Variants in KIF26B observed in about 807,000 individuals in gnomAD.
KIF26B encodes the protein kinesin-like protein KIF26B.
A neutral mutation model predicts 151.2 loss-of-function variants in KIF26B; 63 were observed. That is an observed-to-expected ratio of 0.42 (90% CI 0.34 to 0.51). The LOEUF (loss-of-function observed/expected upper bound fraction) is 0.51, where lower values mean the gene tolerates loss of function less well. Ranked by LOEUF, KIF26B falls within the 20% of genes least tolerant of loss-of-function variation. KIF26B has a pLI of 0.07. For synonymous variants in KIF26B, 1,357 were observed against 1,262.1 expected (o/e 1.08, Z -1.59); for missense variants, 2,813 against 2,913.6 (o/e 0.97, Z 0.79).
intron 2 of KIF26B, among the ~76,000 whole-genome samples, chr1:245,220,287 G>A (rs1200072701): frequency 1.3e-5 from 2 of 152,178 alleles, no homozygotes; most frequent in African/African-American, 2.4e-5. Context: ...GAAGCCTTCC[G>A]TGGATGTTCC....
At chr1:245,550,444 C>T (rs896585906) in intron 5 of KIF26B, among the ~76,000 whole-genome samples, 2 of 152,348 alleles carry the variant, frequency 1.3e-5, no homozygotes, top group African/African-American at 2.4e-5. Context: ...GCTCCCAGGC[C>T]GACCCTGGCT....
intron 9 of KIF26B, among the ~76,000 whole-genome samples, chr1:245,614,363 C>T (rs566292607): frequency 2.5e-4 from 38 of 152,270 alleles, no homozygotes; most frequent in African/African-American, 8.9e-4. Flanking sequence ...TAAGTAGAGA[C>T]GGAGTTTCAC....
intron 9 of KIF26B, among the ~76,000 whole-genome samples, chr1:245,634,964 C>A (rs1341624827): frequency 6.6e-6 from 1 of 152,024 alleles, no homozygotes; most frequent in African/African-American, 2.4e-5. Context: ...ACCTCAGCCT[C>A]CCATAATACT....
At chr1:245,332,613 T>A (rs1428129574) in intron 2 of KIF26B, among the ~76,000 whole-genome samples, 1 of 152,172 alleles carries the variant, frequency 6.6e-6, no homozygotes, top group Non-Finnish European at 1.5e-5. Flanking sequence ...CCCCCACTGC[T>A]GACATGTTGT....
intron 5 of KIF26B, among the ~76,000 whole-genome samples, chr1:245,554,847 A>G (rs1053567443): frequency 6.6e-6 from 1 of 152,182 alleles, no homozygotes; most frequent in African/African-American, 2.4e-5. Flanking sequence ...TCACAATGGC[A>G]TATGTAAAAC....
intron 4 of KIF26B, among the ~76,000 whole-genome samples, chr1:245,468,501 C>T (rs1292822876): frequency 6.6e-6 from 1 of 152,204 alleles, no homozygotes; most frequent in East Asian, 1.9e-4. Flanking sequence ...TTTCACTCTT[C>T]CAAGAATGGA....
chr1:245,226,573 C>T (rs188126707), intron 2 of KIF26B, among the ~76,000 whole-genome samples: 1 of 152,186 alleles, frequency 6.6e-6, no homozygotes, highest in Non-Finnish European at 1.5e-5. Context: ...AAGCGATTCT[C>T]CTGCCTCAGC....
intron 5 of KIF26B, among the ~76,000 whole-genome samples, chr1:245,599,732 G>T (rs964416241): frequency 6.6e-6 from 1 of 152,152 alleles, no homozygotes; most frequent in Non-Finnish European, 1.5e-5. Flanking sequence ...CCAAAGTTGC[G>T]ACTTGAATGC....
At chr1:245,330,801 G>C (rs1168610555) in intron 2 of KIF26B, among the ~76,000 whole-genome samples, 1 of 81,212 alleles carries the variant, frequency 1.2e-5, no homozygotes, top group African/African-American at 8.7e-5. Flanking sequence ...GCGGGGTAAT[G>C]GGGGGAGAGT....
At chr1:245,521,687 T>G (rs1051022279) in intron 4 of KIF26B, among the ~76,000 whole-genome samples, 1 of 151,988 alleles carries the variant, frequency 6.6e-6, no homozygotes, top group Non-Finnish European at 1.5e-5. Flanking sequence ...GACCATCCAC[T>G]CATCCGTCTG....
At position 245,602,492 on chromosome 1, in the gene KIF26B, T is replaced by C. The variant is rs1387006709; in HGVS notation, c.1351-85T>C. 8.9e-6 allele frequency: 9 copies of C among 1,007,730 alleles called. No individual in the cohort carries two copies. The highest frequency in any genetic ancestry group is 1.1e-5 in the Non-Finnish European group (7 of 659,112). 62.4% of individuals were successfully genotyped at this position (1,007,730 alleles called of 1,614,324 possible). On this transcript the variant is annotated intron_variant, in intron 5 of 14. Coordinates refer to ENST00000407071, the MANE Select transcript of KIF26B (RefSeq NM_018012.4). The surrounding 1 kb of genome is among the most constrained non-coding windows in gnomAD (Gnocchi z 4.5). ...AGAAAGTTCAGTGCTGCCATGTGCATGTATATCGCAGAGTATACAAGGGTG... is the reference window on the plus strand; with the variant it reads ...AGAAAGTTCAGTGCTGCCATGTGCACGTATATCGCAGAGTATACAAGGGTG...
At chr1:245,565,288 T>C (rs2042998227) in intron 5 of KIF26B, among the ~76,000 whole-genome samples, 2 of 137,066 alleles carry the variant, frequency 1.5e-5, no homozygotes, top group Non-Finnish European at 3.2e-5. Context: ...TTTTTGGGTT[T>C]TTTTGTTTTT....
At chr1:245,661,062 C>T (rs899098891) in intron 10 of KIF26B, among the ~76,000 whole-genome samples, 9 of 151,398 alleles carry the variant, frequency 5.9e-5, no homozygotes, top group African/African-American at 2.2e-4. Context: ...TCTTGGCTCA[C>T]TGCAACCTCT....
chr1:245,307,009 G>A (rs1199215529), intron 2 of KIF26B, among the ~76,000 whole-genome samples: 1 of 152,148 alleles, frequency 6.6e-6, no homozygotes, highest in South Asian at 2.1e-4. Flanking sequence ...TTTCACAAGG[G>A]TCTTTCAAGA....
intron 9 of KIF26B, among the ~76,000 whole-genome samples, chr1:245,623,183 TCTTCACC>T (rs1181048816): frequency 2.6e-5 from 4 of 152,052 alleles, no homozygotes; most frequent in Non-Finnish European, 4.4e-5. Flanking sequence ...ATGAATATAT[TCTTCACC>T]CCCAAAAGTT....
In KIF26B at chr1:245,367,763, C is replaced by T. The variant is rs1270275733; in HGVS notation, c.999+396C>T. ...AAGCCCCGACTTGTCCACTTATTAG[C>T]AGCGTGACTTGGCACAAGGGGTTTG... On this transcript the variant is annotated intron_variant, in intron 3 of 14. Transcript: ENST00000407071. The surrounding 1 kb of genome is among the most constrained non-coding windows in gnomAD (Gnocchi z 4.2). Among the ~76,000 whole-genome samples, 2 of 152,224 alleles carry T rather than the reference C, an allele frequency of 1.3e-5. No individual in the cohort carries two copies. The highest frequency in any genetic ancestry group is 6.5e-5 in the Admixed American group (1 of 15,288).
intron 4 of KIF26B, among the ~76,000 whole-genome samples, chr1:245,502,513 G>A (rs1353330148): frequency 7.3e-6 from 1 of 137,252 alleles, no homozygotes; most frequent in African/African-American, 2.8e-5. Context: ...GCAACAGAGC[G>A]AGCAAGATTC....
At chr1:245,388,827 C>G (rs1244307148) in intron 3 of KIF26B, among the ~76,000 whole-genome samples, 1 of 152,178 alleles carries the variant, frequency 6.6e-6, no homozygotes, top group Non-Finnish European at 1.5e-5. Flanking sequence ...GAACACTGGA[C>G]CAGCCCAAGG....
chr1:245,240,529 T>C (rs1427941325), intron 2 of KIF26B, among the ~76,000 whole-genome samples: 1 of 152,186 alleles, frequency 6.6e-6, no homozygotes, highest in Non-Finnish European at 1.5e-5. Context: ...GTATAGAATG[T>C]GGAGAAATAC....
Sources: allele counts gnomAD v4.1 joint callset (sites outside exome capture counted in the v4.1 genomes callset), GRCh38; gene constraint gnomAD v4.1.1; non-coding constraint Gnocchi (gnomAD v3.1); transcripts MANE v1.5; gene names NCBI Gene and HGNC (gene_info 2026-07-23, HGNC 2026-07-21).